The following HAVCR1 variants were observed in gnomAD, a reference collection of about 807,000 sequenced individuals.
HAVCR1 encodes the protein hepatitis A virus cellular receptor 1, also known as T cell immunoglobin domain and mucin domain protein 1.
HAVCR1 carries 34 observed loss-of-function variants against 32.0 expected under a neutral mutation model. That is an observed-to-expected ratio of 1.06 (90% confidence interval 0.81 to 1.42). HAVCR1 has a LOEUF of 1.42. Ranked by LOEUF, HAVCR1 falls within the 40% of genes most tolerant of loss-of-function variation. HAVCR1 has a pLI of 0.00. For missense variants in HAVCR1, 420 were observed against 442.3 expected, an observed-to-expected ratio of 0.95 and a Z score of 0.45; for synonymous variants, 178 against 170.3, an observed-to-expected ratio of 1.05 and a Z score of -0.35.
At position 157,029,672 on chromosome 5, in the gene HAVCR1, C is replaced by A; in HGVS notation, c.*61G>T. 6.2e-7 allele frequency: 1 copy of A among 1,608,468 alleles called. No homozygotes were observed. Among genetic ancestry groups the A allele is most frequent in the Non-Finnish European group, 8.5e-7 (1 of 1,178,520 alleles). On this transcript the variant is annotated 3_prime_UTR_variant, in exon 9 of 9. Transcript: ENST00000523175. ...TGGGGTCTAAAAGACGTCTGATGTGCTGATGTCTGTTCAGTCTTCTGCACT... is the reference window on the plus strand; with the variant it reads ...TGGGGTCTAAAAGACGTCTGATGTGATGATGTCTGTTCAGTCTTCTGCACT...
At position 157,049,065 on chromosome 5, in the gene HAVCR1, T is replaced by A; in HGVS notation, c.754A>T (p.Ser252Cys). The A allele has an allele frequency of 1.2e-6, 2 of 1,608,474 alleles. No individual in the cohort carries two copies. The highest frequency in any genetic ancestry group is 1.3e-5 in the African/African-American group (1 of 74,928). The part of the protein sequence containing the change: ...LQGAIRREPT[S>C]SPLYSYTTDG... ...GTTGTGTAAGAGTACAATGGTGAGC[T>A]GGTGGGTTCTCTCCTTATTGCTCCC... The change falls in exon 5 of 9, where the codon AGC becomes TGC. Residue 252 changes from serine to cysteine, a missense_variant. Physicochemically the swap from Ser to Cys is moderately radical, Grantham distance 112. Coordinates refer to ENST00000523175, the MANE Select transcript of HAVCR1 (RefSeq NM_001173393.3).
intron 4 of HAVCR1, among the ~76,000 whole-genome samples, chr5:157,050,160 T>C (rs1157387959): frequency 6.6e-6 from 1 of 152,206 alleles, no homozygotes; most frequent in African/African-American, 2.4e-5. Context: ...TCGCTCTTTC[T>C]CCTGTTCTCA....
intron 6 of HAVCR1, among the ~76,000 whole-genome samples, chr5:157,038,012 A>T (rs1581685283): frequency 9.3e-6 from 1 of 107,200 alleles, no homozygotes; most frequent in Non-Finnish European, 1.9e-5. Flanking sequence ...ATCTCGAAAA[A>T]AAGAAAAAAA....
chr5:157,029,976 A>G (rs1176105433), intron 8 of HAVCR1, 135 bp from the exon 9 acceptor site: 4 of 640,620 alleles, frequency 6.2e-6, no homozygotes, highest in Non-Finnish European at 1.1e-5. Context: ...CACACAAAGT[A>G]TAAAATAAAT....
At chr5:157,030,364 T>C (rs1361344284) in intron 8 of HAVCR1, among the ~76,000 whole-genome samples, 3 of 152,192 alleles carry the variant, frequency 2.0e-5, no homozygotes, top group Admixed American at 6.5e-5. Flanking sequence ...CACTGGATCA[T>C]AGTGTTAAAA....
intron 3 of HAVCR1, among the ~76,000 whole-genome samples, chr5:157,054,190 CA>C (rs900551230): frequency 4.3e-3 from 181 of 42,212 alleles, no homozygotes; most frequent in South Asian, 5.9e-3. Context: ...GACTCCATCT[CA>C]AAAAAAAAAA....
At chr5:157,042,538 G>T in intron 6 of HAVCR1, 89 bp downstream of exon 6, 2 of 745,588 alleles carry the variant, frequency 2.7e-6, no homozygotes, top group South Asian at 1.9e-5. Context: ...CTGTGGGCTA[G>T]TCTTACAGAC....
At chr5:157,052,756 G>C in intron 3 of HAVCR1, 102 bp from the exon 4 acceptor site, 1 of 979,948 alleles carries the variant, frequency 1.0e-6, no homozygotes, top group Non-Finnish European at 1.6e-6. Flanking sequence ...ACTGTCCCTA[G>C]GTGGAGTTAA....
rs546383691 is a variant in HAVCR1 at position 157,054,055 on chromosome 5, A to C, written c.379+1146T>G. Among the ~76,000 whole-genome samples, 63 of 141,878 alleles carry C rather than the reference A, an allele frequency of 4.4e-4. No homozygotes were observed. The South Asian group carries it at 0.014, about 31-fold the overall frequency. The allele number at this position is 141,878 out of a possible 152,430, so 93.1% of individuals were successfully genotyped here. On this transcript the variant is annotated intron_variant, in intron 3 of 8. Transcript: ENST00000523175. ...AAAAATTAGCCGGGCATGGTGATGC[A>C]CTCCTGTAGTCCCAGCTACTCAGGA... is the stretch of plus-strand genomic sequence containing the variant.
chr5:157,049,251 T>C (rs780977547), intron 4 of HAVCR1, 106 bp from the exon 5 acceptor site: 14 of 775,490 alleles, frequency 1.8e-5, no homozygotes, highest in Non-Finnish European at 3.2e-5. Context: ...CACCTTTCCA[T>C]GGGCCCTTCT....
upstream of HAVCR1, among the ~76,000 whole-genome samples, chr5:157,063,179 T>A (rs2113664460): frequency 6.9e-6 from 1 of 145,942 alleles, no homozygotes; most frequent in Non-Finnish European, 1.5e-5. Flanking sequence ...ACCAAAAGTG[T>A]ACTCATTTAA....
chr5:157,043,442 G>A (rs550038367), intron 5 of HAVCR1, among the ~76,000 whole-genome samples: 62 of 152,252 alleles, frequency 4.1e-4, no homozygotes, highest in Non-Finnish European at 5.6e-4. Flanking sequence ...CAAGGCAGGC[G>A]GATCACTTGA....
chr5:157,036,538 A>C (rs1303429690), intron 7 of HAVCR1, among the ~76,000 whole-genome samples: 1 of 152,218 alleles, frequency 6.6e-6, no homozygotes, highest in Non-Finnish European at 1.5e-5. Context: ...GAAAAATAAC[A>C]AGTTTAAAAA....
At chr5:157,053,093 T>G (rs4704733) in intron 3 of HAVCR1, among the ~76,000 whole-genome samples, 126,747 of 152,128 alleles carry the variant, frequency 0.83, 53,013 homozygotes, top group East Asian at 0.99. Flanking sequence ...TTAAAAAAAC[T>G]TTTTTTGTAG....
At chr5:157,064,339 C>CA in the HAVCR1 span, among the ~76,000 whole-genome samples, 16,862 of 63,250 alleles carry the variant, frequency 0.27, 1,307 homozygotes, top group Admixed American at 0.39. Flanking sequence ...CCTGTCTCTA[C>CA]AAAAAAAAAA....
At position 157,055,445 on chromosome 5, in the gene HAVCR1, C is replaced by T. The variant is rs1256480042; in HGVS notation, c.135G>A (p.Met45Ile). The part of the protein sequence containing the change: ...PCHYSGAVTS[M>I]CWNRGSCSLF... ...GAGAACATGAGCCTCTATTCCAGCA[C>T]ATGGATGTGACAGCTCCACTGTAGT... is the stretch of plus-strand genomic sequence containing the variant. The change falls in exon 3 of 9, where the codon ATG becomes ATA. Residue 45 changes from methionine to isoleucine, a missense_variant. By Grantham distance (10) the Met-to-Ile change is conservative. Transcript: ENST00000523175. The T allele has an allele frequency of 6.2e-7, 1 of 1,612,286 alleles. No homozygotes were observed.
chr5:157,034,939 C>T (rs920741154), intron 7 of HAVCR1, among the ~76,000 whole-genome samples: 1 of 152,056 alleles, frequency 6.6e-6, no homozygotes, highest in African/African-American at 2.4e-5. Context: ...ATGTCTTCTT[C>T]TTTCTACATA....
chr5:157,063,121 CAA>C (rs1186472025), upstream of HAVCR1, among the ~76,000 whole-genome samples: 1 of 129,246 alleles, frequency 7.7e-6, no homozygotes, highest in Non-Finnish European at 1.6e-5. Context: ...GATTCTGTCT[CAA>C]AAAAAAAAAG....
upstream of HAVCR1, among the ~76,000 whole-genome samples, chr5:157,064,070 G>A (rs776333549): frequency 2.6e-5 from 4 of 152,326 alleles, no homozygotes; most frequent in South Asian, 2.1e-4. Flanking sequence ...AAGCACCACT[G>A]CAAGGGCATA....
Sources: allele counts gnomAD v4.1 joint callset (sites outside exome capture counted in the v4.1 genomes callset), GRCh38; gene constraint gnomAD v4.1.1; transcripts MANE v1.5; gene names NCBI Gene and HGNC (gene_info 2026-07-23, HGNC 2026-07-21).